The following GALNTL6 variants were observed in gnomAD, a reference collection of about 807,000 sequenced individuals.
GALNTL6 encodes polypeptide N-acetylgalactosaminyltransferase like 6, also known as polypeptide N-acetylgalactosaminyltransferase-like 6.
In GALNTL6, 46 loss-of-function variants were observed where a neutral mutation model predicts 73.7. The ratio of observed to expected loss-of-function variants is 0.62; its 90% CI spans 0.49 to 0.80. The LOEUF (loss-of-function observed/expected upper bound fraction) is 0.80. Among genes scored for constraint, GALNTL6 ranks in the 30% least tolerant of loss-of-function variants. The pLI is 0.00. For missense variants in GALNTL6, 604 were observed against 755.0 expected (o/e 0.80, Z 2.34); for synonymous variants, 259 against 263.7 (o/e 0.98, Z 0.17).
chr4:171,823,225 T>C (rs1366623063), intron 2 of GALNTL6, among the ~76,000 whole-genome samples: 1 of 152,102 alleles, frequency 6.6e-6, no homozygotes, highest in Non-Finnish European at 1.5e-5. Context: ...TAAAATATCT[T>C]ATATTTTTAA....
intron 2 of GALNTL6, among the ~76,000 whole-genome samples, chr4:172,150,122 C>T (rs1734038418): frequency 6.6e-6 from 1 of 152,178 alleles, no homozygotes; most frequent in African/African-American, 2.4e-5. Flanking sequence ...TCATTTCTGT[C>T]AACTCCAAAT....
intron 3 of GALNTL6, among the ~76,000 whole-genome samples, chr4:172,283,486 C>G (rs947431718): frequency 1.7e-4 from 26 of 152,046 alleles, no homozygotes; most frequent in African/African-American, 6.3e-4. Context: ...TCTTCATAGT[C>G]TATCTGGGAA....
chr4:172,099,582 A>G (rs2110957634), intron 2 of GALNTL6, among the ~76,000 whole-genome samples: 1 of 152,310 alleles, frequency 6.6e-6, no homozygotes, highest in East Asian at 1.9e-4. Flanking sequence ...AGGGAATGGC[A>G]AGGGCAACAG....
intron 2 of GALNTL6, among the ~76,000 whole-genome samples, chr4:171,879,022 G>T (rs1736362061): frequency 6.6e-6 from 1 of 152,136 alleles, no homozygotes; most frequent in Non-Finnish European, 1.5e-5. Flanking sequence ...ACAGCTTGCA[G>T]AACCAGGAGC....
chr4:171,986,414 C>T (rs1381209874), intron 2 of GALNTL6, among the ~76,000 whole-genome samples: 6 of 152,094 alleles, frequency 3.9e-5, no homozygotes, highest in South Asian at 2.1e-4. Flanking sequence ...TGGATGTGTA[C>T]GTGCAGGTCA....
intron 5 of GALNTL6, among the ~76,000 whole-genome samples, chr4:172,379,498 C>T (rs1743182840): frequency 7.5e-6 from 1 of 132,814 alleles, no homozygotes; most frequent in Non-Finnish European, 1.5e-5. Flanking sequence ...CCACTGCAGT[C>T]CGCAGTCCGG....
At chr4:172,330,256 C>T (rs901754328) in intron 4 of GALNTL6, among the ~76,000 whole-genome samples, 1 of 152,220 alleles carries the variant, frequency 6.6e-6, no homozygotes, top group Non-Finnish European at 1.5e-5. Flanking sequence ...AGCCAAGACT[C>T]CATGTAGCTC....
chr4:172,863,859 C>A (rs927338616), intron 7 of GALNTL6, among the ~76,000 whole-genome samples: 43 of 152,288 alleles, frequency 2.8e-4, no homozygotes, highest in African/African-American at 1.0e-3. Context: ...CCACCCAAGT[C>A]TCATCTTGAA....
intron 11 of GALNTL6, among the ~76,000 whole-genome samples, chr4:173,010,099 A>G (rs1456245795): frequency 6.6e-6 from 1 of 151,912 alleles, no homozygotes; most frequent in Non-Finnish European, 1.5e-5. Context: ...GGTCTTTTTC[A>G]TTCTTTCTAT....
At chr4:172,110,271 TGAA>T (rs1396800590) in intron 2 of GALNTL6, among the ~76,000 whole-genome samples, 1 of 152,206 alleles carries the variant, frequency 6.6e-6, no homozygotes, top group African/African-American at 2.4e-5. Context: ...AATAATTTAA[TGAA>T]GATGTGAATT....
chr4:172,999,791 G>A lies in GALNTL6; in HGVS notation c.1372-9387G>A, dbSNP rs1751965129. On this transcript the variant is annotated intron_variant, in intron 10 of 12. Coordinates refer to ENST00000506823, the MANE Select transcript of GALNTL6 (RefSeq NM_001034845.3). ...ATTATATATATATATATATAATTTG[G>A]ATATATTATTTGGATACATTCTATC... 2.7e-5 allele frequency among the ~76,000 whole-genome samples: 4 copies of A among 150,554 alleles called. No individual in the cohort carries two copies. The South Asian group carries it at 8.4e-4, about 32-fold the overall frequency.
intron 5 of GALNTL6, among the ~76,000 whole-genome samples, chr4:172,410,578 T>C (rs1744396077): frequency 6.6e-6 from 1 of 151,992 alleles, no homozygotes; most frequent in African/African-American, 2.4e-5. Flanking sequence ...GGGTGAGTCA[T>C]GTCATCCCTT....
chr4:172,060,904 TA>T (rs1731179261), intron 2 of GALNTL6, among the ~76,000 whole-genome samples: 1 of 152,112 alleles, frequency 6.6e-6, no homozygotes, highest in African/African-American at 2.4e-5. Context: ...ATTATGTAAA[TA>T]AAAATTACAC....
chr4:172,792,745 G>A (rs1740067167), intron 5 of GALNTL6, among the ~76,000 whole-genome samples: 1 of 149,742 alleles, frequency 6.7e-6, no homozygotes, highest in Non-Finnish European at 1.5e-5. Context: ...TGAGTGTTTG[G>A]TCAGTTGTTT....
At position 171,814,437 on chromosome 4, in the gene GALNTL6, A is replaced by C. The variant is rs1734466056; in HGVS notation, c.-144A>C. On this transcript the variant is annotated 5_prime_UTR_variant, in exon 2 of 13. Coordinates refer to ENST00000506823, the MANE Select transcript of GALNTL6 (RefSeq NM_001034845.3). The stretch of plus-strand genomic sequence containing the variant: ...ATGGCCAACTCCCTCTGAATCCTGC[A>C]GATTGGTGCTGAGCACGCAACAAAA... 1 of 750,212 alleles carries C rather than the reference A, an allele frequency of 1.3e-6. No homozygotes were observed. The highest frequency in any genetic ancestry group is 2.2e-6 in the Non-Finnish European group (1 of 460,620). 46.5% of individuals were successfully genotyped at this position (750,212 alleles called of 1,614,324 possible).
At chr4:172,650,407 A>G (rs1740424243) in intron 5 of GALNTL6, among the ~76,000 whole-genome samples, 1 of 152,228 alleles carries the variant, frequency 6.6e-6, no homozygotes, top group Non-Finnish European at 1.5e-5. Flanking sequence ...GAGAAGAGAT[A>G]TCTAAGGGCC....
intron 7 of GALNTL6, among the ~76,000 whole-genome samples, chr4:172,880,655 C>G (rs2111187286): frequency 6.6e-6 from 1 of 152,200 alleles, no homozygotes; most frequent in East Asian, 1.9e-4. Context: ...ATGTCAATTA[C>G]ACAACAATTA....
At chr4:172,553,946 C>G (rs903748027) in intron 5 of GALNTL6, among the ~76,000 whole-genome samples, 3 of 152,224 alleles carry the variant, frequency 2.0e-5, no homozygotes, top group South Asian at 2.1e-4. Flanking sequence ...AGGAGGATCT[C>G]TTGAGCCCAG....
chr4:172,416,277 A>AC (rs1160683013), intron 5 of GALNTL6, among the ~76,000 whole-genome samples: 9 of 152,200 alleles, frequency 5.9e-5, no homozygotes, highest in Non-Finnish European at 8.8e-5. Context: ...GGAAAAGAAA[A>AC]TATTTCTGAA....
Sources: gnomAD v4.1 joint callset for allele counts (sites outside exome capture counted in the v4.1 genomes callset) on GRCh38, gnomAD v4.1.1 for gene constraint, MANE v1.5 for transcripts, NCBI Gene and HGNC (gene_info 2026-07-23, HGNC 2026-07-21) for gene names.